PRKCE: variants seen among roughly 807,000 people sequenced by gnomAD.
PRKCE encodes protein kinase C epsilon.
Under a neutral mutation model 85.4 loss-of-function variants are expected in PRKCE, and 16 were observed. The ratio of observed to expected loss-of-function variants is 0.19; its 90% confidence interval spans 0.13 to 0.28. PRKCE has a LOEUF of 0.28. PRKCE is among the 10% of genes least tolerant of loss of function. The pLI, the probability that PRKCE is intolerant of heterozygous loss-of-function variation, is 1.00. For missense variants in PRKCE, 573 were observed against 975.2 expected (o/e 0.59, Z 5.49); for synonymous variants, 388 against 371.5 (o/e 1.04, Z -0.51).
At chr2:45,734,418 G>C (rs75393814) in intron 1 of PRKCE, among the ~76,000 whole-genome samples, 1,743 of 152,094 alleles carry the variant, frequency 0.011, 32 homozygotes, top group African/African-American at 0.04. Flanking sequence ...CTATAGTTGA[G>C]CCTGATTTTA....
intron 13 of PRKCE, among the ~76,000 whole-genome samples, chr2:46,157,725 T>C (rs1677355583): frequency 6.6e-6 from 1 of 152,172 alleles, no homozygotes; most frequent in Non-Finnish European, 1.5e-5. Context: ...TCTATGTGTA[T>C]CCCTGACCCT....
chr2:45,664,079 T>C (rs1675804777), intron 1 of PRKCE, among the ~76,000 whole-genome samples: 1 of 152,244 alleles, frequency 6.6e-6, no homozygotes, highest in Non-Finnish European at 1.5e-5. Flanking sequence ...TAGTGATATA[T>C]TGAAGTTTTA....
chr2:45,985,130 T>G (rs1703208153), intron 6 of PRKCE, among the ~76,000 whole-genome samples: 1 of 152,182 alleles, frequency 6.6e-6, no homozygotes, highest in South Asian at 2.1e-4. Context: ...TAAGGTAGCT[T>G]GCTGACTCGT....
intron 1 of PRKCE, among the ~76,000 whole-genome samples, chr2:45,661,997 T>C (rs1263848396): frequency 6.6e-6 from 1 of 152,214 alleles, no homozygotes; most frequent in Non-Finnish European, 1.5e-5. Flanking sequence ...GATATAAGCA[T>C]CTCGTGAACA....
At chr2:45,699,551 G>A (rs1251938252) in intron 1 of PRKCE, among the ~76,000 whole-genome samples, 1 of 152,164 alleles carries the variant, frequency 6.6e-6, no homozygotes, top group Non-Finnish European at 1.5e-5. Flanking sequence ...TGAAGGATGA[G>A]GGGCACCAGC....
At chr2:45,661,979 C>G (rs1675684964) in intron 1 of PRKCE, among the ~76,000 whole-genome samples, 1 of 152,046 alleles carries the variant, frequency 6.6e-6, no homozygotes, top group African/African-American at 2.4e-5. Flanking sequence ...GTCTTCTTTC[C>G]CCAGGCAGAT....
intron 10 of PRKCE, among the ~76,000 whole-genome samples, chr2:46,047,109 T>C (rs72876162): frequency 0.11 from 16,878 of 152,224 alleles, 1,352 homozygotes; most frequent in African/African-American, 0.23. Context: ...CAATGGCATC[T>C]TGTTCCTGGA....
At chr2:45,993,518 AAGAT>A (rs1296304443) in intron 6 of PRKCE, among the ~76,000 whole-genome samples, 1 of 152,200 alleles carries the variant, frequency 6.6e-6, no homozygotes, top group East Asian at 1.9e-4. Context: ...AAACCAAAAA[AAGAT>A]ACCCCCTTTG....
At chr2:45,846,282 A>C (rs2105512761) in intron 2 of PRKCE, among the ~76,000 whole-genome samples, 1 of 152,210 alleles carries the variant, frequency 6.6e-6, no homozygotes, top group Non-Finnish European at 1.5e-5. Flanking sequence ...TTTGCATATT[A>C]TTTCTTATTC....
intron 10 of PRKCE, among the ~76,000 whole-genome samples, chr2:46,021,646 A>C (rs1706672542): frequency 6.6e-6 from 1 of 152,186 alleles, no homozygotes; most frequent in South Asian, 2.1e-4. Context: ...CTAAGGTGTC[A>C]TTTGGTCACA....
chr2:45,873,799 T>G (rs1307719330), intron 2 of PRKCE, among the ~76,000 whole-genome samples: 1 of 152,182 alleles, frequency 6.6e-6, no homozygotes, highest in African/African-American at 2.4e-5. Flanking sequence ...CAACCTGTCT[T>G]AAAGTGTGAG....
chr2:45,971,850 C>G (rs1702131910), intron 2 of PRKCE, among the ~76,000 whole-genome samples: 1 of 152,124 alleles, frequency 6.6e-6, no homozygotes, highest in African/African-American at 2.4e-5. Context: ...ATTTTTTTAA[C>G]CATTCATCCA....
At chr2:45,970,441 C>G (rs1018463122) in intron 2 of PRKCE, among the ~76,000 whole-genome samples, 4 of 151,928 alleles carry the variant, frequency 2.6e-5, no homozygotes, top group Non-Finnish European at 5.9e-5. Flanking sequence ...TAATCAGAAA[C>G]TAATTGGGAG....
intron 1 of PRKCE, among the ~76,000 whole-genome samples, chr2:45,733,948 T>A (rs1219114650): frequency 1.3e-5 from 2 of 152,206 alleles, no homozygotes; most frequent in Middle Eastern, 3.2e-3. Flanking sequence ...TGGTCTTAGC[T>A]TCAAGGAAAA....
At chr2:45,883,898 G>C (rs1214124511) in intron 2 of PRKCE, among the ~76,000 whole-genome samples, 1 of 152,126 alleles carries the variant, frequency 6.6e-6, no homozygotes, top group Non-Finnish European at 1.5e-5. Flanking sequence ...GGAATCCTTG[G>C]AGCTTGCTTC....
intron 1 of PRKCE, among the ~76,000 whole-genome samples, chr2:45,753,890 T>G (rs56260358): frequency 0.11 from 16,218 of 152,242 alleles, 1,534 homozygotes; most frequent in African/African-American, 0.26. Context: ...GACATTTTCT[T>G]GCATAACCAC....
At chr2:45,922,706 G>A (rs1011700904) in intron 2 of PRKCE, among the ~76,000 whole-genome samples, 3 of 152,176 alleles carry the variant, frequency 2.0e-5, no homozygotes, top group Admixed American at 6.5e-5. Flanking sequence ...TAATAGAGAC[G>A]TGTGAGCTGA....
intron 2 of PRKCE, among the ~76,000 whole-genome samples, chr2:45,920,481 T>C (rs1186514468): frequency 6.6e-6 from 1 of 152,184 alleles, no homozygotes; most frequent in African/African-American, 2.4e-5. Context: ...TTATTCATAA[T>C]AGCCAAAAAG....
chr2:45,870,021 A>G (rs72872492), intron 2 of PRKCE, among the ~76,000 whole-genome samples: 29 of 151,988 alleles, frequency 1.9e-4, no homozygotes, highest in South Asian at 4.2e-4. Context: ...ACATTTTTCT[A>G]TGGAGGAGCT....
Sources: allele counts gnomAD v4.1 joint callset (sites outside exome capture counted in the v4.1 genomes callset), GRCh38; gene constraint gnomAD v4.1.1; transcripts MANE v1.5; gene names NCBI Gene and HGNC (gene_info 2026-07-23, HGNC 2026-07-21).